LRFN5: variants seen among roughly 807,000 people sequenced by gnomAD.
The protein encoded by LRFN5 is leucine-rich repeat and fibronectin type-III domain-containing protein 5.
LRFN5 carries 24 observed loss-of-function variants against 45.6 expected under a neutral mutation model. The ratio of observed to expected loss-of-function variants is 0.53; its 90% CI spans 0.38 to 0.74. The LOEUF (loss-of-function observed/expected upper bound fraction) is 0.74, where lower values mean the gene tolerates loss of function less well. Ranked by LOEUF, LRFN5 falls within the 30% of genes least tolerant of loss-of-function variation. The pLI is 0.00. For synonymous variants in LRFN5, 340 were observed against 313.8 expected (o/e 1.08, Z -0.88); for missense variants, 776 against 861.5 (o/e 0.90, Z 1.24).
At chr14:41,818,127 A>C (rs1224647398) in intron 2 of LRFN5, among the ~76,000 whole-genome samples, 1 of 152,122 alleles carries the variant, frequency 6.6e-6, no homozygotes, top group African/African-American at 2.4e-5. Flanking sequence ...ATTTCAAAAA[A>C]TCATGCTAAC....
At chr14:41,674,136 C>A (rs1292443309) in intron 1 of LRFN5, among the ~76,000 whole-genome samples, 35 of 138,610 alleles carry the variant, frequency 2.5e-4, no homozygotes, top group African/African-American at 8.9e-4. Context: ...TCCTCACTTC[C>A]CAGTAGGGGC....
intron 1 of LRFN5, among the ~76,000 whole-genome samples, chr14:41,618,164 A>C (rs1030131191): frequency 6.6e-6 from 1 of 152,290 alleles, no homozygotes; most frequent in South Asian, 2.1e-4. Flanking sequence ...TCTAGATATA[A>C]CTGTTATCAG....
intron 2 of LRFN5, among the ~76,000 whole-genome samples, chr14:41,878,334 A>G (rs1890258523): frequency 6.6e-6 from 1 of 152,166 alleles, no homozygotes; most frequent in African/African-American, 2.4e-5. Flanking sequence ...CAAAGTAGCT[A>G]TGGAGGAGCC....
chr14:41,759,478 CACACACACACACACACACACAG>C (rs66631923), intron 1 of LRFN5, among the ~76,000 whole-genome samples: 31,715 of 126,712 alleles, frequency 0.25, 4,241 homozygotes, highest in East Asian at 0.73. Context: ...CACACACACA[CACACACACACACACACACACAG>C]AGAGAGCACC....
intron 1 of LRFN5, among the ~76,000 whole-genome samples, chr14:41,681,504 C>CA (rs1428643456): frequency 1.3e-5 from 2 of 151,962 alleles, no homozygotes; most frequent in African/African-American, 4.8e-5. Flanking sequence ...CCAAACGGAA[C>CA]AAAAAATCAT....
At chr14:41,733,649 G>A (rs993230989) in intron 1 of LRFN5, 2 of 151,982 alleles carry the variant, frequency 1.3e-5, no homozygotes, top group African/African-American at 4.8e-5. Context: ...AAGTATGTGG[G>A]AAATTGTAAA....
At position 41,891,491 on chromosome 14, in the gene LRFN5, G is replaced by C. The variant is rs777641960; in HGVS notation, c.1627G>C (p.Val543Leu). The change falls in exon 4 of 6, where the codon GTA (valine) becomes CTA (leucine). Residue 543 changes from valine to leucine, a missense_variant. Coordinates refer to ENST00000298119, the MANE Select transcript of LRFN5 (RefSeq NM_152447.5). ...IGGIIVASVL[V>L]FIIILMIRYK... ...TGGAATCATTGTAGCATCTGTGCTG[G>C]TATTCATCATTATTCTGATGATCCG... is the stretch of plus-strand genomic sequence containing the variant. The C allele has an allele frequency of 2.5e-6, 4 of 1,614,066 alleles. No individual in the cohort carries two copies. Among genetic ancestry groups the C allele is most frequent in the South Asian group, 2.2e-5 (2 of 91,076 alleles).
intron 1 of LRFN5, among the ~76,000 whole-genome samples, chr14:41,696,261 T>G (rs1882604969): frequency 6.6e-6 from 1 of 151,932 alleles, no homozygotes; most frequent in Non-Finnish European, 1.5e-5. Flanking sequence ...TCTTTTCAGA[T>G]GAAAAGTACT....
At chr14:41,649,547 T>C (rs1879991469) in intron 1 of LRFN5, among the ~76,000 whole-genome samples, 1 of 152,166 alleles carries the variant, frequency 6.6e-6, no homozygotes, top group South Asian at 2.1e-4. Flanking sequence ...CCTAGGCCCA[T>C]CTGTGCACTT....
intron 1 of LRFN5, among the ~76,000 whole-genome samples, chr14:41,689,586 G>C (rs1027957447): frequency 1.3e-5 from 2 of 152,122 alleles, no homozygotes; most frequent in African/African-American, 4.8e-5. Context: ...CAAGTACAAT[G>C]ATAAAATTAG....
chr14:41,801,759 T>C (rs1450788239), intron 2 of LRFN5, among the ~76,000 whole-genome samples: 1 of 152,184 alleles, frequency 6.6e-6, no homozygotes, highest in Admixed American at 6.5e-5. Context: ...AGTAACTGCA[T>C]AAATTGCTCT....
chr14:41,736,467 T>G (rs552657337), intron 1 of LRFN5, among the ~76,000 whole-genome samples: 1 of 152,316 alleles, frequency 6.6e-6, no homozygotes, highest in South Asian at 2.1e-4. Context: ...GTAAATTTGT[T>G]TAAGTTCTTT....
At chr14:41,704,118 A>C (rs900880818) in intron 1 of LRFN5, among the ~76,000 whole-genome samples, 4 of 152,194 alleles carry the variant, frequency 2.6e-5, no homozygotes, top group South Asian at 4.1e-4. Context: ...GTGGGCTAAC[A>C]GTGGCCAAAA....
At chr14:41,744,841 G>A (rs1295675372) in intron 1 of LRFN5, among the ~76,000 whole-genome samples, 1 of 152,084 alleles carries the variant, frequency 6.6e-6, no homozygotes. Flanking sequence ...AATAGAGAAA[G>A]AAGACAAAGC....
At chr14:41,793,252 C>T (rs1244213691) in intron 2 of LRFN5, among the ~76,000 whole-genome samples, 2 of 151,984 alleles carry the variant, frequency 1.3e-5, no homozygotes, top group Non-Finnish European at 2.9e-5. Flanking sequence ...TCCCTCCGTT[C>T]GGGGTCCCTG....
At chr14:41,648,965 G>T (rs1054063164) in intron 1 of LRFN5, among the ~76,000 whole-genome samples, 1 of 152,092 alleles carries the variant, frequency 6.6e-6, no homozygotes. Context: ...AAAATTAAAC[G>T]TTTTTAAAGA....
chr14:41,886,694 T>C lies in LRFN5; in HGVS notation c.69T>C (p.Arg23=), dbSNP rs374199959. The C allele has an allele frequency of 6.2e-7, 1 of 1,613,920 alleles. No individual in the cohort carries two copies. Among genetic ancestry groups the C allele is most frequent in the Non-Finnish European group, 8.5e-7 (1 of 1,180,000 alleles). Residue 23 remains arginine (R), a synonymous_variant, in exon 3 of 6, where the codon CGT becomes CGC. Transcript: ENST00000298119. ...IAVKAQICPK[R]CVCQILSPNL... ...TGAAAGCTCAGATCTGTCCAAAGCG[T>C]TGTGTCTGTCAGATTTTGTCTCCTA...
At chr14:41,687,440 G>C (rs1398186236) in intron 1 of LRFN5, among the ~76,000 whole-genome samples, 1 of 152,170 alleles carries the variant, frequency 6.6e-6, no homozygotes, top group Non-Finnish European at 1.5e-5. Context: ...GATTCCTCAA[G>C]GATCTAGAAC....
intron 2 of LRFN5, among the ~76,000 whole-genome samples, chr14:41,864,583 C>G (rs543686646): frequency 2.0e-5 from 3 of 152,120 alleles, no homozygotes; most frequent in Non-Finnish European, 4.4e-5. Flanking sequence ...TTTATCTTAA[C>G]CATTTACATC....
Sources: gnomAD v4.1 joint callset for allele counts (sites outside exome capture counted in the v4.1 genomes callset) on GRCh38, gnomAD v4.1.1 for gene constraint, MANE v1.5 for transcripts, NCBI Gene and HGNC (gene_info 2026-07-23, HGNC 2026-07-21) for gene names.